The following CELF2 variants were observed in gnomAD, a reference collection of about 807,000 sequenced individuals.
CELF2 encodes the protein CUGBP Elav-like family member 2, also known as CUG triplet repeat RNA-binding protein 2.
In CELF2, 8 loss-of-function variants were observed where a neutral mutation model predicts 62.6. The ratio of observed to expected loss-of-function variants is 0.13; its 90% confidence interval spans 0.07 to 0.23. The LOEUF is 0.23. Among genes scored for constraint, CELF2 ranks in the 10% least tolerant of loss-of-function variants. CELF2 has a pLI of 1.00. For synonymous variants in CELF2, 258 were observed against 250.0 expected, an observed-to-expected ratio of 1.03 and a Z score of -0.30; for missense variants, 333 against 671.0, an observed-to-expected ratio of 0.50 and a Z score of 5.56.
intron 1 of CELF2, among the ~76,000 whole-genome samples, chr10:10,812,836 T>C (rs1201484784): frequency 1.3e-5 from 2 of 152,208 alleles, no homozygotes; most frequent in Non-Finnish European, 2.9e-5. Context: ...AGGGTCAATG[T>C]CTGATTCAAT....
intron 1 of CELF2, among the ~76,000 whole-genome samples, chr10:10,850,898 T>C (rs888150077): frequency 6.6e-6 from 1 of 152,120 alleles, no homozygotes; most frequent in African/African-American, 2.4e-5. Flanking sequence ...CTCTGCCTCC[T>C]GGGTTCAAGT....
chr10:10,763,600 C>T, the CELF2 span, among the ~76,000 whole-genome samples: 4 of 152,146 alleles, frequency 2.6e-5, no homozygotes, highest in African/African-American at 4.8e-5. Context: ...ACATATAAAC[C>T]ATGTCTCTTT....
the CELF2 span, among the ~76,000 whole-genome samples, chr10:10,595,737 A>G: frequency 6.6e-6 from 1 of 152,142 alleles, no homozygotes; most frequent in Non-Finnish European, 1.5e-5. Flanking sequence ...CTCTACAAAA[A>G]ATACAAAAAT....
intron 1 of CELF2, among the ~76,000 whole-genome samples, chr10:10,849,632 A>G (rs1196480471): frequency 1.3e-5 from 2 of 152,132 alleles, no homozygotes; most frequent in Admixed American, 6.5e-5. Flanking sequence ...TCCCTTACAT[A>G]ACGACAGTAC....
chr10:10,883,180 A>C (rs1430312901), intron 1 of CELF2, among the ~76,000 whole-genome samples: 2 of 152,240 alleles, frequency 1.3e-5, no homozygotes, highest in Non-Finnish European at 2.9e-5. Flanking sequence ...TTTCAAGAGA[A>C]ATATCTTTAT....
At chr10:11,050,717 C>G (rs2063761811) in intron 1 of CELF2, among the ~76,000 whole-genome samples, 1 of 152,240 alleles carries the variant, frequency 6.6e-6, no homozygotes, top group Non-Finnish European at 1.5e-5. Flanking sequence ...TGTCTTCTCT[C>G]TGTCACCAAT....
chr10:11,044,765 A>T (rs1159659371), intron 1 of CELF2, among the ~76,000 whole-genome samples: 1 of 152,218 alleles, frequency 6.6e-6, no homozygotes, highest in Non-Finnish European at 1.5e-5. Context: ...GATCTCACTT[A>T]TATATACATA....
chr10:10,714,839 C>G, the CELF2 span, among the ~76,000 whole-genome samples: 1 of 151,948 alleles, frequency 6.6e-6, no homozygotes, highest in Non-Finnish European at 1.5e-5. Flanking sequence ...TTCTCATCCC[C>G]ACTCCAAACG....
intron 2 of CELF2, among the ~76,000 whole-genome samples, chr10:10,958,666 A>G (rs2049154092): frequency 1.3e-5 from 2 of 152,056 alleles, no homozygotes; most frequent in African/African-American, 4.8e-5. Context: ...CAACAGAACA[A>G]GACTCATCTC....
chr10:11,095,179 G>A (rs1050380647), intron 1 of CELF2, among the ~76,000 whole-genome samples: 7 of 152,144 alleles, frequency 4.6e-5, no homozygotes, highest in African/African-American at 1.4e-4. Flanking sequence ...GGTTTACAAA[G>A]CGAAGTTTCT....
chr10:11,270,731 C>A lies in CELF2; in HGVS notation c.684C>A (p.Leu228=). The part of the protein sequence containing the change: ...DTQKDKEQRR[L]QQQLAQQMQQ... ...AGAAGGACAAAGAGCAAAGGCGCCT[C>A]CAGCAGCAGCTCGCTCAGCAGATGC... is the stretch of plus-strand genomic sequence containing the variant. Residue 228 remains leucine (L), a synonymous_variant, in exon 7 of 13, where the codon CTC becomes CTA. Coordinates refer to ENST00000633077, the MANE Select transcript of CELF2 (RefSeq NM_001326342.2). This position sits in a 1 kb window ranked among gnomAD's most constrained non-coding sequence, Gnocchi z 5.8. 1 of 1,565,398 alleles carries A rather than the reference C, an allele frequency of 6.4e-7. No individual in the cohort carries two copies. The highest frequency in any genetic ancestry group is 2.4e-5 in the East Asian group (1 of 41,532).
intron 1 of CELF2, among the ~76,000 whole-genome samples, chr10:11,025,398 C>G (rs976134256): frequency 5.9e-5 from 9 of 152,020 alleles, no homozygotes; most frequent in Non-Finnish European, 1.0e-4. Flanking sequence ...GACAGTTTCT[C>G]GTGTGCTGTC....
chr10:10,519,313 T>C, the CELF2 span, among the ~76,000 whole-genome samples: 1 of 152,302 alleles, frequency 6.6e-6, no homozygotes, highest in Non-Finnish European at 1.5e-5. Flanking sequence ...TGAATAAATC[T>C]TCTATGCAAA....
At chr10:10,901,912 G>C (rs946170937) in intron 1 of CELF2, among the ~76,000 whole-genome samples, 3 of 151,888 alleles carry the variant, frequency 2.0e-5, no homozygotes, top group African/African-American at 7.3e-5. Flanking sequence ...TTTGTAATTG[G>C]GCAAAAGATT....
At chr10:10,627,618 G>T in the CELF2 span, among the ~76,000 whole-genome samples, 1 of 152,188 alleles carries the variant, frequency 6.6e-6, no homozygotes, top group Non-Finnish European at 1.5e-5. Flanking sequence ...GGGGATGGTG[G>T]CTCTTGGGTA....
intron 2 of CELF2, chr10:11,168,845 T>C (rs1363284334): frequency 6.6e-6 from 1 of 152,212 alleles, no homozygotes; most frequent in Non-Finnish European, 1.5e-5. Context: ...ATATTCTCAC[T>C]GTAGGGGCAT....
chr10:10,648,383 C>T, the CELF2 span, among the ~76,000 whole-genome samples: 24,598 of 152,176 alleles, frequency 0.16, 2,129 homozygotes, highest in South Asian at 0.24. Flanking sequence ...AAGAGATCAC[C>T]TTTGATACAT....
chr10:11,089,721 T>A (rs1377434560), intron 1 of CELF2, among the ~76,000 whole-genome samples: 1 of 152,168 alleles, frequency 6.6e-6, no homozygotes. Context: ...AAAATATACA[T>A]GCCCTCATAT....
Position 11,237,126 on chromosome 10 carries a change from C to T in CELF2, c.355-12027C>T, listed in dbSNP as rs986608425. 2.0e-5 allele frequency among the ~76,000 whole-genome samples: 3 copies of T among 152,190 alleles called. No individual in the cohort carries two copies. The highest frequency in any genetic ancestry group is 7.2e-5 in the African/African-American group (3 of 41,502). On this transcript the variant is annotated intron_variant, in intron 3 of 12. Coordinates refer to ENST00000633077, the MANE Select transcript of CELF2 (RefSeq NM_001326342.2). This position sits in a 1 kb window ranked among gnomAD's most constrained non-coding sequence, Gnocchi z 4.0. ...TGGTGAGGAGGCTGTTTCGGGGATC[C>T]AGGTGAGCAGGAATGAAAACCTCAC...
Sources: gnomAD v4.1 joint callset for allele counts (sites outside exome capture counted in the v4.1 genomes callset) on GRCh38, gnomAD v4.1.1 for gene constraint, Gnocchi (gnomAD v3.1) non-coding constraint, MANE v1.5 for transcripts, NCBI Gene and HGNC (gene_info 2026-07-23, HGNC 2026-07-21) for gene names.